Variants in ADAMTS14 observed in about 807,000 individuals in gnomAD.
ADAMTS14 encodes ADAM metallopeptidase with thrombospondin type 1 motif 14, also known as A disintegrin and metalloproteinase with thrombospondin motifs 14.
A neutral mutation model predicts 128.6 loss-of-function variants in ADAMTS14; 100 were observed. That is an observed-to-expected ratio of 0.78 (90% CI 0.66 to 0.92). The LOEUF is 0.92. Among genes scored for constraint, ADAMTS14 ranks in the 40% least tolerant of loss-of-function variants. The probability of loss-of-function intolerance (pLI) is 0.00; values close to 1 mark genes in which losing one functional copy is unlikely to be tolerated. For missense variants in ADAMTS14, 1,562 were observed against 1,658.6 expected, an observed-to-expected ratio of 0.94 and a Z score of 1.01; for synonymous variants, 665 against 653.8, an observed-to-expected ratio of 1.02 and a Z score of -0.26.
chr10:70,697,394 G>T lies in ADAMTS14; in HGVS notation c.523-4918G>T, dbSNP rs138882565. Among the ~76,000 whole-genome samples the T allele has an allele frequency of 2.1e-4, 32 of 152,330 alleles. 1 individual carries two copies. In the East Asian group the frequency reaches 6.2e-3, roughly 29 times the overall value. ...TTGCAACTGTCTGGACCCCAGGCCA[G>T]GTCCTTGCTCATTGTCTCTGTACCT... On this transcript the variant is annotated intron_variant, in intron 2 of 21. Coordinates refer to ENST00000373207, the MANE Select transcript of ADAMTS14 (RefSeq NM_080722.4).
At chr10:70,680,984 A>G (rs1433046654) in intron 2 of ADAMTS14, among the ~76,000 whole-genome samples, 1 of 152,230 alleles carries the variant, frequency 6.6e-6, no homozygotes. Flanking sequence ...AATGATAAAT[A>G]TTACAAATAT....
intron 4 of ADAMTS14, among the ~76,000 whole-genome samples, chr10:70,714,681 G>T (rs1227656193): frequency 6.6e-6 from 1 of 152,118 alleles, no homozygotes; most frequent in Non-Finnish European, 1.5e-5. Flanking sequence ...AGGTACAGTG[G>T]CTCACGCATG....
In ADAMTS14 at chr10:70,751,660, G is replaced by A. The variant is rs1842355250; in HGVS notation, c.2596+14G>A. The A allele has an allele frequency of 1.3e-6, 2 of 1,595,832 alleles. No homozygotes were observed. Among genetic ancestry groups the A allele is most frequent in the Admixed American group, 3.3e-5 (2 of 59,750 alleles). On this transcript the variant is annotated intron_variant, in intron 17 of 21. Transcript: ENST00000373207. ...CCTGTGGAGGAGGTACCGGTTCCCT[G>A]ACCCGCCAGTGCTTTGTTGGGGCAG... is the stretch of plus-strand genomic sequence containing the variant.
chr10:70,753,927 G>T lies in ADAMTS14; in HGVS notation c.2857G>T (p.Ala953Ser), dbSNP rs766945225. 1 of 1,588,268 alleles carries T rather than the reference G, an allele frequency of 6.3e-7. No individual in the cohort carries two copies. The highest frequency in any genetic ancestry group is 8.6e-7 in the Non-Finnish European group (1 of 1,168,228). ...CAAGGTCATGCCGGCCAAAGCCTGC[G>T]CCGGGGACCGGCCTGAGGCCCGACG... ...THKVMPAKAC[A>S]GDRPEARRPC... Residue 953 changes from alanine to serine, a missense_variant, in exon 19 of 22, where the codon GCC (alanine) becomes TCC (serine). Coordinates refer to ENST00000373207, the MANE Select transcript of ADAMTS14 (RefSeq NM_080722.4).
chr10:70,733,783 CGGGTCAGGTCA>C, intron 7 of ADAMTS14, 91 bp from the exon 8 acceptor site: 1 of 1,419,766 alleles, frequency 7.0e-7, no homozygotes, highest in Non-Finnish European at 9.5e-7. Flanking sequence ...ATCTGAGCTC[CGGGTCAGGTCA>C]GGGTCTCCTG....
chr10:70,730,281 G>A, intron 6 of ADAMTS14, 32 bp downstream of exon 6: 1 of 1,603,930 alleles, frequency 6.2e-7, no homozygotes, highest in South Asian at 1.1e-5. Context: ...CCATGGCCAG[G>A]TGTGTGCAGC....
intron 15 of ADAMTS14, among the ~76,000 whole-genome samples, chr10:70,748,014 A>G (rs545688578): frequency 6.6e-6 from 1 of 152,264 alleles, no homozygotes; most frequent in Non-Finnish European, 1.5e-5. Flanking sequence ...AATTGGGGAC[A>G]TGGGGTCTTT....
intron 4 of ADAMTS14, among the ~76,000 whole-genome samples, chr10:70,726,652 G>C (rs1464451921): frequency 2.0e-5 from 3 of 152,162 alleles, no homozygotes; most frequent in Non-Finnish European, 4.4e-5. Flanking sequence ...TGTTGGAGGG[G>C]CTGGGAAGTA....
intron 15 of ADAMTS14, among the ~76,000 whole-genome samples, chr10:70,747,392 C>T (rs138758467): frequency 3.9e-5 from 6 of 152,090 alleles, no homozygotes; most frequent in Non-Finnish European, 2.9e-5. Flanking sequence ...TCTACCACAG[C>T]GAGCCCAGGT....
At chr10:70,733,849 G>A in intron 7 of ADAMTS14, 36 bp from the exon 8 acceptor site, 1 of 1,592,048 alleles carries the variant, frequency 6.3e-7, no homozygotes, top group Non-Finnish European at 8.6e-7. Flanking sequence ...CAGGCTCCTG[G>A]GATGTATCAG....
At chr10:70,693,803 T>C (rs945832323) in intron 2 of ADAMTS14, among the ~76,000 whole-genome samples, 3 of 152,230 alleles carry the variant, frequency 2.0e-5, no homozygotes, top group Admixed American at 2.0e-4. Flanking sequence ...CCTTGGGAAC[T>C]GTGGCCGAGT....
At chr10:70,699,324 G>A (rs180928397) in intron 2 of ADAMTS14, among the ~76,000 whole-genome samples, 3 of 152,236 alleles carry the variant, frequency 2.0e-5, no homozygotes, top group Admixed American at 6.5e-5. Context: ...GATGAAATAA[G>A]ATAATATATA....
rs1424367700 is a variant in ADAMTS14 at position 70,762,194 on chromosome 10, A to T, written c.*1341A>T. The T allele has an allele frequency of 6.6e-6, 1 of 152,610 alleles. No individual in the cohort carries two copies. Among genetic ancestry groups the T allele is most frequent in the East Asian group, 1.9e-4 (1 of 5,178 alleles). The allele number at this position is 152,610 out of a possible 1,614,324, so 9.5% of individuals were successfully genotyped here. On this transcript the variant is annotated 3_prime_UTR_variant, in exon 22 of 22. Transcript: ENST00000373207. The stretch of plus-strand genomic sequence containing the variant: ...TCTCACTTCTTCCTTCCCCAAGGCA[A>T]AGGGGCTGTTCTGAGCCAGCCTGGA...
In ADAMTS14 at chr10:70,750,000, G is replaced by T; in HGVS notation, c.2427+15G>T. On this transcript the variant is annotated intron_variant, in intron 16 of 21. Transcript: ENST00000373207. Reference sequence around the variant, plus strand: ...TTGCCATCCTGGTGAGCCCCACTCTGTGCGGTGGCAACCCCTGCCCACCCC... The same window carrying T: ...TTGCCATCCTGGTGAGCCCCACTCTTTGCGGTGGCAACCCCTGCCCACCCC... The T allele has an allele frequency of 1.9e-6, 3 of 1,611,228 alleles. No individual in the cohort carries two copies. The highest frequency in any genetic ancestry group is 2.5e-6 in the Non-Finnish European group (3 of 1,178,034).
intron 8 of ADAMTS14, among the ~76,000 whole-genome samples, chr10:70,734,562 C>G (rs953741467): frequency 2.6e-5 from 4 of 152,218 alleles, no homozygotes; most frequent in African/African-American, 9.6e-5. Context: ...TCTCCCCACT[C>G]CCATCCTTGG....
chr10:70,752,342 C>T (rs1389853657), intron 18 of ADAMTS14, 115 bp downstream of exon 18: 1 of 1,411,800 alleles, frequency 7.1e-7, no homozygotes, highest in Non-Finnish European at 9.4e-7. Context: ...CACGACCATA[C>T]AGGCAACACA....
At chr10:70,711,801 A>G (rs2132622222) in intron 4 of ADAMTS14, among the ~76,000 whole-genome samples, 1 of 152,246 alleles carries the variant, frequency 6.6e-6, no homozygotes, top group East Asian at 1.9e-4. Flanking sequence ...GGTATCCACG[A>G]GAGAAGCGGG....
intron 2 of ADAMTS14, among the ~76,000 whole-genome samples, chr10:70,695,596 G>A (rs1162331198): frequency 6.6e-6 from 1 of 152,192 alleles, no homozygotes; most frequent in Non-Finnish European, 1.5e-5. Context: ...CTAGATCACT[G>A]AGCCTGTCCC....
chr10:70,745,361 C>G (rs750407593), intron 15 of ADAMTS14, 55 bp downstream of exon 15: 2 of 1,583,930 alleles, frequency 1.3e-6, no homozygotes, highest in South Asian at 2.2e-5. Context: ...TGCCCTCTGA[C>G]TTGGGGGAGC....
Sources: gnomAD v4.1 joint callset for allele counts (sites outside exome capture counted in the v4.1 genomes callset) on GRCh38, gnomAD v4.1.1 for gene constraint, MANE v1.5 for transcripts, NCBI Gene and HGNC (gene_info 2026-07-23, HGNC 2026-07-21) for gene names.